The following ARHGEF10 variants were observed in gnomAD, a reference collection of about 807,000 sequenced individuals.
The protein encoded by ARHGEF10 is Rho guanine nucleotide exchange factor 10.
Under a neutral mutation model 147.4 loss-of-function variants are expected in ARHGEF10, and 140 were observed. That is an observed-to-expected ratio of 0.95 (90% CI 0.83 to 1.09). The LOEUF (loss-of-function observed/expected upper bound fraction) is 1.09, where lower values mean the gene tolerates loss of function less well. ARHGEF10 is among the 50% of genes least tolerant of loss of function. ARHGEF10 has a pLI of 0.00. For missense variants in ARHGEF10, 2,222 were observed against 1,752.7 expected (o/e 1.27, Z -4.78); for synonymous variants, 902 against 695.8 (o/e 1.30, Z -4.67).
intron 18 of ARHGEF10, among the ~76,000 whole-genome samples, chr8:1,911,977 C>T (rs1021021495): frequency 2.0e-5 from 3 of 152,170 alleles, no homozygotes; most frequent in Non-Finnish European, 2.9e-5. Flanking sequence ...CATTCTCAGT[C>T]GATAGTCATA....
chr8:1,953,492 C>G (rs1266543078), intron 28 of ARHGEF10, among the ~76,000 whole-genome samples: 2 of 152,250 alleles, frequency 1.3e-5, no homozygotes, highest in East Asian at 3.8e-4. Context: ...TTTCTGGACA[C>G]AGTCCCGTTA....
chr8:1,880,067 G>A lies in ARHGEF10; in HGVS notation c.863G>A (p.Arg288His), dbSNP rs141641206. The A allele has an allele frequency of 7.4e-5, 119 of 1,613,464 alleles. No homozygotes were observed. The highest frequency in any genetic ancestry group is 6.9e-4 in the African/African-American group (52 of 74,896). The part of the protein sequence containing the change: ...HKKQLSHDLT[R>H]LKEHYEKKMR... ...CTGTAGCTTTCTCATGACCTAACCC[G>A]TTTAAAGGAGCACTATGAGAAAAAG... The change falls in exon 9 of 29, where the codon CGT (arginine) becomes CAT (histidine). Residue 288 changes from arginine (R) to histidine (H), a missense_variant. Transcript: ENST00000349830.
At position 1,923,476 on chromosome 8, in the gene ARHGEF10, C is replaced by A. The variant is rs762401767; in HGVS notation, c.2268C>A (p.Asn756Lys). Residue 756 changes from asparagine (N) to lysine (K), a missense_variant, in exon 20 of 29, where the codon AAC becomes AAA. Physicochemically the swap from Asn to Lys is moderately conservative, Grantham distance 94. Transcript: ENST00000349830. ...ATTTATTTCCTTTGTAGAACTTAAA[C>A]CAGTCAGTAGCCCATGACTGGACAT... ...GNLKGNYQNL[N>K]QSVAHDWTSG... is the part of the protein sequence containing the mutation. 6.2e-7 allele frequency: 1 copy of A among 1,614,086 alleles called. No homozygotes were observed. Among genetic ancestry groups the A allele is most frequent in the East Asian group, 2.2e-5 (1 of 44,884 alleles).
chr8:1,880,660 G>C (rs1002778955), intron 9 of ARHGEF10, among the ~76,000 whole-genome samples: 1 of 152,134 alleles, frequency 6.6e-6, no homozygotes, highest in Admixed American at 6.5e-5. Flanking sequence ...ATTTTTAAGA[G>C]CGTCCAGGGC....
At chr8:1,920,755 T>C (rs1812221972) in intron 18 of ARHGEF10, among the ~76,000 whole-genome samples, 1 of 152,002 alleles carries the variant, frequency 6.6e-6, no homozygotes, top group Non-Finnish European at 1.5e-5. Context: ...TTGCGATGTG[T>C]AACTACTGGA....
rs1563174387 is a variant in ARHGEF10 at position 1,850,152 on chromosome 8, GGC to G, written c.37+6717_37+6718del. 8.9e-3 allele frequency among the ~76,000 whole-genome samples: 356 copies of G among 39,914 alleles called. 39 individuals carry two copies. The highest frequency in any genetic ancestry group is 0.013 in the Admixed American group (41 of 3,162). The allele number at this position is 39,914 out of a possible 152,430, so 26.2% of individuals were successfully genotyped here. A position where few individuals can be genotyped will look rare whatever the true frequency, so the allele number is the denominator to read the frequency against. ...GCAAATGCTGAGGAGGGTGTGGGGCGGCCACGTGGACACAGAGGGCAAATGCT... is the reference window on the plus strand; with the variant it reads ...GCAAATGCTGAGGAGGGTGTGGGGCGCACGTGGACACAGAGGGCAAATGCT... On this transcript the variant is annotated intron_variant, in intron 2 of 28. Transcript: ENST00000349830.
chr8:1,949,844 C>G (rs1471200433), intron 27 of ARHGEF10, among the ~76,000 whole-genome samples: 1 of 152,020 alleles, frequency 6.6e-6, no homozygotes, highest in African/African-American at 2.4e-5. Context: ...GTTTTATGTT[C>G]CAGGCTGGGA....
At chr8:1,827,752 A>C (rs758174393) in intron 1 of ARHGEF10, among the ~76,000 whole-genome samples, 1 of 152,212 alleles carries the variant, frequency 6.6e-6, no homozygotes, top group African/African-American at 2.4e-5. Flanking sequence ...TTGTTAAATG[A>C]TGTGAAAAAG....
chr8:1,909,545 G>C, intron 18 of ARHGEF10, 75 bp downstream of exon 18: 1 of 1,582,536 alleles, frequency 6.3e-7, no homozygotes, highest in Non-Finnish European at 8.6e-7. Flanking sequence ...TGTGGGGCCA[G>C]CGTAAGCTCC....
chr8:1,886,320 G>C (rs1389060939), intron 11 of ARHGEF10, among the ~76,000 whole-genome samples: 1 of 152,152 alleles, frequency 6.6e-6, no homozygotes, highest in Non-Finnish European at 1.5e-5. Context: ...TTCCCACATG[G>C]GCAGCGAGGT....
At chr8:1,863,637 G>C (rs1179648812) in intron 4 of ARHGEF10, among the ~76,000 whole-genome samples, 1 of 152,120 alleles carries the variant, frequency 6.6e-6, no homozygotes. Context: ...GACTCTGGCT[G>C]GCTTCTGCCC....
chr8:1,875,220 A>G (rs1807587866), intron 7 of ARHGEF10, among the ~76,000 whole-genome samples: 1 of 144,326 alleles, frequency 6.9e-6, no homozygotes, highest in South Asian at 2.4e-4. Context: ...GTTCTAAGAC[A>G]GTCTGGTGGG....
At chr8:1,860,509 G>C (rs1465921745) in intron 4 of ARHGEF10, among the ~76,000 whole-genome samples, 1 of 152,162 alleles carries the variant, frequency 6.6e-6, no homozygotes, top group African/African-American at 2.4e-5. Flanking sequence ...GTAGAGTCCG[G>C]GCCTGACCTT....
At chr8:1,950,865 C>T (rs1043360272) in intron 27 of ARHGEF10, among the ~76,000 whole-genome samples, 2 of 151,848 alleles carry the variant, frequency 1.3e-5, no homozygotes, top group East Asian at 1.9e-4. Context: ...CAGGCATGAG[C>T]CACTGCGCCC....
In ARHGEF10 at chr8:1,828,528, G is replaced by A. The variant is rs535551283; in HGVS notation, c.-48+4415G>A. Among the ~76,000 whole-genome samples, 160 of 146,198 alleles carry A rather than the reference G, an allele frequency of 1.1e-3. 12 individuals carry two copies. Among genetic ancestry groups the A allele is most frequent in the African/African-American group, 4.0e-3 (156 of 39,022 alleles). On this transcript the variant is annotated intron_variant, in intron 1 of 28. Transcript: ENST00000349830. ...TTAAGGAATTACATTTTGATAAACCGTGGCATGCACACTTACTGTTTTAAG... is the reference window on the plus strand; with the variant it reads ...TTAAGGAATTACATTTTGATAAACCATGGCATGCACACTTACTGTTTTAAG...
chr8:1,913,563 G>A (rs1046855865), intron 18 of ARHGEF10, among the ~76,000 whole-genome samples: 22 of 152,344 alleles, frequency 1.4e-4, no homozygotes, highest in African/African-American at 5.1e-4. Context: ...ATTGGCCTCT[G>A]ATGTTTCTGG....
At position 1,957,222 on chromosome 8, in the gene ARHGEF10, C is replaced by G. The variant is rs767677056; in HGVS notation, c.3994C>G (p.Pro1332Ala). 9 of 1,611,746 alleles carry G rather than the reference C, an allele frequency of 5.6e-6. No homozygotes were observed. Among genetic ancestry groups the G allele is most frequent in the African/African-American group, 4.0e-5 (3 of 74,920 alleles). The change falls in exon 29 of 29, where the codon CCG becomes GCG. Residue 1332 changes from proline to alanine, a missense_variant. Pro to Ala is a conservative substitution (Grantham distance 27, BLOSUM62 -1). Transcript: ENST00000349830. ...ARQPHQEELAPTVMVWQIPLL... is the reference protein window; with the variant it reads ...ARQPHQEELAATVMVWQIPLL... ...GCAGCCCCACCAGGAAGAGCTGGCGCCGACCGTCATGGTCTGGCAGATCCC... is the reference window on the plus strand; with the variant it reads ...GCAGCCCCACCAGGAAGAGCTGGCGGCGACCGTCATGGTCTGGCAGATCCC...
In ARHGEF10 at chr8:1,860,398, TC is replaced by T. The variant is rs1563191575; in HGVS notation, c.481+216del. Reference sequence around the variant, plus strand: ...GTCCGGGCCTAACCTTCCCCCCTCCTCCTCCTCTCCATGCCCCCGATGTGGC... The same window carrying T: ...GTCCGGGCCTAACCTTCCCCCCTCCTCTCCTCTCCATGCCCCCGATGTGGC... On this transcript the variant is annotated intron_variant, in intron 4 of 28. Transcript: ENST00000349830. 8.6e-5 allele frequency among the ~76,000 whole-genome samples: 9 copies of T among 105,050 alleles called. No individual in the cohort carries two copies. In the East Asian group the frequency reaches 2.6e-3, roughly 30 times the overall value. The allele number at this position is 105,050 out of a possible 152,430, so 68.9% of individuals were successfully genotyped here. A position where few individuals can be genotyped will look rare whatever the true frequency, so the allele number is the denominator to read the frequency against.
At chr8:1,869,112 C>G in intron 6 of ARHGEF10, 82 bp from the exon 7 acceptor site, 1 of 1,239,038 alleles carries the variant, frequency 8.1e-7, no homozygotes, top group Non-Finnish European at 1.2e-6. Context: ...ATGACATCAT[C>G]GGCGACTGTG....
Sources: allele counts gnomAD v4.1 joint callset (sites outside exome capture counted in the v4.1 genomes callset), GRCh38; gene constraint gnomAD v4.1.1; transcripts MANE v1.5; gene names NCBI Gene and HGNC (gene_info 2026-07-23, HGNC 2026-07-21).